MAPK10: variants seen among roughly 807,000 people sequenced by gnomAD.
The protein encoded by MAPK10 is JNK3 alpha protein kinase.
In MAPK10, 25 loss-of-function variants were observed where a neutral mutation model predicts 59.3. The observed-to-expected ratio is 0.42, with a 90% CI of 0.31 to 0.59. The LOEUF is 0.59. Among genes scored for constraint, MAPK10 ranks in the 20% least tolerant of loss-of-function variants. The probability of loss-of-function intolerance (pLI) is 0.15; values close to 1 mark genes in which losing one functional copy is unlikely to be tolerated. For missense variants in MAPK10, 351 were observed against 568.9 expected, an observed-to-expected ratio of 0.62 and a Z score of 3.90; for synonymous variants, 190 against 200.5, an observed-to-expected ratio of 0.95 and a Z score of 0.44.
intron 3 of MAPK10, among the ~76,000 whole-genome samples, chr4:86,183,857 T>G (rs551091526): frequency 6.6e-6 from 1 of 152,200 alleles, no homozygotes; most frequent in South Asian, 2.1e-4. Flanking sequence ...CAGTATCTCA[T>G]TGTGGTTTTG....
chr4:86,579,516 TACACACACAC>T (rs35878270), intron 1 of MAPK10, among the ~76,000 whole-genome samples: 14 of 146,290 alleles, frequency 9.6e-5, no homozygotes, highest in South Asian at 4.5e-4. Context: ...GATATGTGTA[TACACACACAC>T]ACACACACAC....
chr4:86,310,155 T>C (rs1166795191), intron 2 of MAPK10, among the ~76,000 whole-genome samples: 1 of 152,204 alleles, frequency 6.6e-6, no homozygotes, highest in African/African-American at 2.4e-5. Flanking sequence ...TGCTTCAGGA[T>C]GTCCCACCTT....
intron 1 of MAPK10, among the ~76,000 whole-genome samples, chr4:86,382,237 A>C (rs988366298): frequency 6.6e-6 from 1 of 151,776 alleles, no homozygotes; most frequent in African/African-American, 2.4e-5. Context: ...GAGCAGAGAG[A>C]CGAATGGAGG....
chr4:86,395,278 T>C (rs1383413562), intron 1 of MAPK10, among the ~76,000 whole-genome samples: 1 of 152,216 alleles, frequency 6.6e-6, no homozygotes, highest in Non-Finnish European at 1.5e-5. Context: ...AAAATTCAAC[T>C]GCCTTATATT....
At chr4:86,054,354 A>T (rs1007996501) in intron 11 of MAPK10, among the ~76,000 whole-genome samples, 2 of 152,186 alleles carry the variant, frequency 1.3e-5, no homozygotes, top group African/African-American at 4.8e-5. Flanking sequence ...GCTCCCACCA[A>T]CATAATACAT....
chr4:86,477,279 G>T (rs1466135895), intron 1 of MAPK10, among the ~76,000 whole-genome samples: 3 of 152,142 alleles, frequency 2.0e-5, no homozygotes, highest in Non-Finnish European at 4.4e-5. Flanking sequence ...CAACTCTGGT[G>T]CCAATTTAGA....
Position 86,354,142 on chromosome 4 carries a change from A to C in MAPK10, c.-7+388T>G, listed in dbSNP as rs560647800. On this transcript the variant is annotated intron_variant, in intron 2 of 13. Transcript: ENST00000641462. ...TGTGTGTTCCTGAAAGAAAACCATA[A>C]TTTAGCTCAGAACCAATTTTTCTAC... Among the ~76,000 whole-genome samples the C allele has an allele frequency of 5.3e-5, 8 of 152,086 alleles. No individual in the cohort carries two copies. In the East Asian group the frequency reaches 1.5e-3, roughly 29 times the overall value.
intron 3 of MAPK10, among the ~76,000 whole-genome samples, chr4:86,165,793 T>G (rs1246963821): frequency 6.6e-6 from 1 of 152,104 alleles, no homozygotes; most frequent in African/African-American, 2.4e-5. Flanking sequence ...TTCCTCACAC[T>G]GTTCCTTGAA....
At chr4:86,070,467 T>C (rs1281392029) in intron 9 of MAPK10, among the ~76,000 whole-genome samples, 1 of 151,502 alleles carries the variant, frequency 6.6e-6, no homozygotes, top group African/African-American at 2.4e-5. Context: ...TGTATACATG[T>C]GCCATGCTGG....
At chr4:86,552,497 GAAGGA>G (rs1565031783) in intron 1 of MAPK10, among the ~76,000 whole-genome samples, 9 of 59,680 alleles carry the variant, frequency 1.5e-4, no homozygotes, top group Admixed American at 4.8e-4. Flanking sequence ...GGGAGGGAGG[GAAGGA>G]AAGGAAGGAA....
chr4:86,221,748 C>T (rs1343907794), intron 2 of MAPK10, among the ~76,000 whole-genome samples: 1 of 152,138 alleles, frequency 6.6e-6, no homozygotes, highest in Non-Finnish European at 1.5e-5. Context: ...AGGGACCCAC[C>T]CACCTCGGCT....
intron 1 of MAPK10, among the ~76,000 whole-genome samples, chr4:86,433,972 AC>A (rs2012544238): frequency 6.6e-6 from 1 of 152,174 alleles, no homozygotes; most frequent in South Asian, 2.1e-4. Flanking sequence ...TTCCATTGAA[AC>A]TTTATTTCCA....
At chr4:86,053,487 A>G (rs996668762) in intron 11 of MAPK10, among the ~76,000 whole-genome samples, 2 of 152,126 alleles carry the variant, frequency 1.3e-5, no homozygotes, top group African/African-American at 4.8e-5. Context: ...CCAATTTTGT[A>G]GCCTCTACTT....
intron 2 of MAPK10, among the ~76,000 whole-genome samples, chr4:86,309,490 G>A (rs542340200): frequency 3.9e-5 from 6 of 152,280 alleles, no homozygotes; most frequent in Middle Eastern, 3.4e-3. Flanking sequence ...CAGTCTGCAC[G>A]GTAATTGCAT....
intron 1 of MAPK10, among the ~76,000 whole-genome samples, chr4:86,535,335 C>A (rs1210490781): frequency 6.6e-6 from 1 of 152,150 alleles, no homozygotes; most frequent in Non-Finnish European, 1.5e-5. Context: ...ATGGGCAACC[C>A]AAGCATCACA....
At chr4:86,284,225 A>G (rs1168497142) in intron 2 of MAPK10, among the ~76,000 whole-genome samples, 1 of 152,230 alleles carries the variant, frequency 6.6e-6, no homozygotes, top group Non-Finnish European at 1.5e-5. Flanking sequence ...AAATAAAAAA[A>G]CTAAGGCTTA....
intron 4 of MAPK10, among the ~76,000 whole-genome samples, chr4:86,152,950 A>G (rs2066840206): frequency 6.6e-6 from 1 of 152,202 alleles, no homozygotes; most frequent in South Asian, 2.1e-4. Flanking sequence ...GGCTTTTCCA[A>G]GATGCACTGG....
chr4:86,456,258 C>G (rs539078981), upstream of MAPK10, among the ~76,000 whole-genome samples: 4 of 152,002 alleles, frequency 2.6e-5, no homozygotes, highest in South Asian at 6.2e-4. Flanking sequence ...ACTAGAGAAA[C>G]AAGAACAAAC....
intron 11 of MAPK10, among the ~76,000 whole-genome samples, chr4:86,054,113 T>C (rs72988054): frequency 1.5e-3 from 228 of 152,274 alleles, no homozygotes; most frequent in African/African-American, 5.3e-3. Context: ...GAATGAACAA[T>C]TCAACCATTC....
Sources: gnomAD v4.1 joint callset for allele counts (sites outside exome capture counted in the v4.1 genomes callset) on GRCh38, gnomAD v4.1.1 for gene constraint, MANE v1.5 for transcripts, NCBI Gene and HGNC (gene_info 2026-07-23, HGNC 2026-07-21) for gene names.